The following GLIS1 variants were observed in gnomAD, a reference collection of about 807,000 sequenced individuals.
The protein encoded by GLIS1 is GLIS family zinc finger 1.
A neutral mutation model predicts 63.8 loss-of-function variants in GLIS1; 24 were observed. The ratio of observed to expected loss-of-function variants is 0.38; its 90% CI spans 0.27 to 0.53. The LOEUF (loss-of-function observed/expected upper bound fraction) is 0.53, where lower values mean the gene tolerates loss of function less well. GLIS1 is among the 20% of genes least tolerant of loss of function. GLIS1 has a pLI of 0.85. For missense variants in GLIS1, 1,036 were observed against 1,074.1 expected, an observed-to-expected ratio of 0.96 and a Z score of 0.50; for synonymous variants, 450 against 482.5, an observed-to-expected ratio of 0.93 and a Z score of 0.88.
chr1:53,599,473 A>C (rs1249649434), intron 3 of GLIS1, among the ~76,000 whole-genome samples: 1 of 152,374 alleles, frequency 6.6e-6, no homozygotes, highest in South Asian at 2.1e-4. Flanking sequence ...GCAAACCCTC[A>C]ATATTGGACT....
At chr1:53,638,321 C>T (rs958560649) in intron 2 of GLIS1, among the ~76,000 whole-genome samples, 40 of 152,226 alleles carry the variant, frequency 2.6e-4, no homozygotes, top group Non-Finnish European at 2.9e-5. Context: ...GGTCCGTTCC[C>T]ATCACAGCAA....
At chr1:53,699,190 G>A (rs1646498447) in intron 2 of GLIS1, among the ~76,000 whole-genome samples, 1 of 151,916 alleles carries the variant, frequency 6.6e-6, no homozygotes, top group Admixed American at 6.6e-5. Flanking sequence ...CTGGCCTCCT[G>A]AGTAGCTGGG....
chr1:53,562,087 C>G (rs1269048772), intron 4 of GLIS1, among the ~76,000 whole-genome samples: 1 of 152,180 alleles, frequency 6.6e-6, no homozygotes, highest in Non-Finnish European at 1.5e-5. Flanking sequence ...TTCACCAAAC[C>G]AGTGATCTGT....
intron 2 of GLIS1, among the ~76,000 whole-genome samples, chr1:53,700,596 G>GA (rs1454494686): frequency 6.6e-6 from 1 of 152,116 alleles, no homozygotes; most frequent in Non-Finnish European, 1.5e-5. Flanking sequence ...CAGGAGTTTG[G>GA]TTTTTTGCTC....
At chr1:53,601,652 G>T (rs770242894) in intron 2 of GLIS1, among the ~76,000 whole-genome samples, 1 of 152,168 alleles carries the variant, frequency 6.6e-6, no homozygotes, top group South Asian at 2.1e-4. Flanking sequence ...AAACAGAGGC[G>T]TGGGGAGGTT....
At chr1:53,659,514 C>T (rs967705165) in intron 2 of GLIS1, among the ~76,000 whole-genome samples, 35 of 152,346 alleles carry the variant, frequency 2.3e-4, no homozygotes, top group African/African-American at 8.2e-4. Flanking sequence ...CTCAAGGTCA[C>T]ATGGTGAGTT....
At chr1:53,696,961 T>C (rs1179199880) in intron 2 of GLIS1, among the ~76,000 whole-genome samples, 1 of 152,214 alleles carries the variant, frequency 6.6e-6, no homozygotes, top group East Asian at 1.9e-4. Context: ...GGCATCCCCA[T>C]ACAGCCCCTC....
intron 4 of GLIS1, among the ~76,000 whole-genome samples, chr1:53,556,172 A>G (rs1458267069): frequency 2.5e-5 from 3 of 118,116 alleles, no homozygotes; most frequent in African/African-American, 3.4e-5. Context: ...GTGTGTATGC[A>G]GGTGTACTGT....
At chr1:53,605,111 C>G (rs1286238818) in intron 2 of GLIS1, among the ~76,000 whole-genome samples, 1 of 152,052 alleles carries the variant, frequency 6.6e-6, no homozygotes, top group Admixed American at 6.5e-5. Flanking sequence ...ATACTTTTTC[C>G]TGCATCTGTA....
chr1:53,645,456 G>T (rs1450973231), intron 2 of GLIS1, among the ~76,000 whole-genome samples: 1 of 152,184 alleles, frequency 6.6e-6, no homozygotes, highest in Non-Finnish European at 1.5e-5. Flanking sequence ...GTCTACAACA[G>T]TTGTGACACC....
At chr1:53,682,375 G>A (rs749549251) in intron 2 of GLIS1, among the ~76,000 whole-genome samples, 3 of 152,382 alleles carry the variant, frequency 2.0e-5, no homozygotes, top group Non-Finnish European at 2.9e-5. Context: ...GCATCCCCGC[G>A]AGGAGCTCAC....
At position 53,560,440 on chromosome 1, in the gene GLIS1, G is replaced by A. The variant is rs74086367; in HGVS notation, c.1321-30488C>T. ...AAGGGCAGGGGTTCCACTGGCAGAC[G>A]GACAGTTCCGGTCGGGAGATATCTG... On this transcript the variant is annotated intron_variant, in intron 4 of 10. Transcript: ENST00000628545. The surrounding 1 kb of genome is among the most constrained non-coding windows in gnomAD (Gnocchi z 4.4). Among the ~76,000 whole-genome samples, 4 of 152,188 alleles carry A rather than the reference G, an allele frequency of 2.6e-5. No homozygotes were observed. The highest frequency in any genetic ancestry group is 7.2e-5 in the African/African-American group (3 of 41,446).
chr1:53,507,967 G>A (rs12038804), intron 10 of GLIS1, among the ~76,000 whole-genome samples: 1 of 151,818 alleles, frequency 6.6e-6, no homozygotes, highest in Non-Finnish European at 1.5e-5. Flanking sequence ...GTCACGCAGG[G>A]GGCCATGCAC....
chr1:53,695,122 C>G (rs1031450684), intron 2 of GLIS1, among the ~76,000 whole-genome samples: 1 of 149,930 alleles, frequency 6.7e-6, no homozygotes. Context: ...CCCTGCAGGC[C>G]GACTGTCAGC....
chr1:53,606,853 T>TC (rs1645375094), intron 2 of GLIS1, among the ~76,000 whole-genome samples: 1 of 151,688 alleles, frequency 6.6e-6, no homozygotes, highest in African/African-American at 2.4e-5. Context: ...TCCCATAAAT[T>TC]CCCCCTTTAA....
intron 4 of GLIS1, among the ~76,000 whole-genome samples, chr1:53,586,723 C>A (rs1391566941): frequency 6.6e-6 from 1 of 152,200 alleles, no homozygotes; most frequent in Middle Eastern, 3.2e-3. Flanking sequence ...AGAAAAACTT[C>A]AAGCACCAGA....
At chr1:53,547,028 AGC>A (rs1368000744) in intron 4 of GLIS1, among the ~76,000 whole-genome samples, 15 of 152,264 alleles carry the variant, frequency 9.9e-5, no homozygotes, top group Admixed American at 9.8e-4. Flanking sequence ...CTGGACATAC[AGC>A]AGGTGCTCAG....
intron 4 of GLIS1, among the ~76,000 whole-genome samples, chr1:53,570,606 GA>G (rs377602193): frequency 1.3e-5 from 2 of 152,090 alleles, no homozygotes; most frequent in Non-Finnish European, 2.9e-5. Flanking sequence ...TGCAGGGGTA[GA>G]AAAACTCAGT....
At chr1:53,615,170 G>A (rs953139915) in intron 2 of GLIS1, among the ~76,000 whole-genome samples, 5 of 152,110 alleles carry the variant, frequency 3.3e-5, no homozygotes, top group African/African-American at 1.2e-4. Context: ...GTAATTTGAC[G>A]GCAGGGGTCA....
Sources: gnomAD v4.1 joint callset for allele counts (sites outside exome capture counted in the v4.1 genomes callset) on GRCh38, gnomAD v4.1.1 for gene constraint, Gnocchi (gnomAD v3.1) non-coding constraint, MANE v1.5 for transcripts, NCBI Gene and HGNC (gene_info 2026-07-23, HGNC 2026-07-21) for gene names.